Variants in RANBP17 observed in about 807,000 individuals in gnomAD.
RANBP17 encodes ran-binding protein 17.
In RANBP17, 158 loss-of-function variants were observed where a neutral mutation model predicts 141.2. That is an observed-to-expected ratio of 1.12 (90% confidence interval 0.98 to 1.28). The LOEUF (loss-of-function observed/expected upper bound fraction) is 1.28, where lower values mean the gene tolerates loss of function less well. RANBP17 is among the 50% of genes most tolerant of loss of function. The pLI is 0.00. For synonymous variants in RANBP17, 430 were observed against 450.0 expected, an observed-to-expected ratio of 0.96 and a Z score of 0.56; for missense variants, 1,438 against 1,290.7, an observed-to-expected ratio of 1.11 and a Z score of -1.75.
At chr5:171,064,466 A>T (rs1784163564) in intron 14 of RANBP17, among the ~76,000 whole-genome samples, 4 of 151,890 alleles carry the variant, frequency 2.6e-5, no homozygotes, top group Admixed American at 2.6e-4. Flanking sequence ...ATCTCCTTTG[A>T]GTTGTTTATT....
intron 16 of RANBP17, among the ~76,000 whole-genome samples, chr5:171,179,462 A>G (rs1444903351): frequency 2.0e-5 from 3 of 152,154 alleles, no homozygotes; most frequent in Admixed American, 6.6e-5. Flanking sequence ...TACTTTGTGC[A>G]TATAACCTAA....
chr5:170,960,629 C>T (rs1021090027), intron 13 of RANBP17, among the ~76,000 whole-genome samples: 19 of 152,206 alleles, frequency 1.2e-4, no homozygotes, highest in African/African-American at 3.9e-4. Context: ...CTACTATCAT[C>T]TTTCACCTGG....
intron 4 of RANBP17, among the ~76,000 whole-genome samples, chr5:170,893,725 G>A (rs549002836): frequency 3.0e-4 from 46 of 151,962 alleles, no homozygotes; most frequent in Admixed American, 2.6e-3. Context: ...CCCGGTAGAC[G>A]GAGCTTGCAG....
In RANBP17 at chr5:171,241,074, A is replaced by G. The variant is rs762183330; in HGVS notation, c.2569A>G (p.Asn857Asp). The G allele has an allele frequency of 2.0e-5, 32 of 1,613,806 alleles. No individual in the cohort carries two copies. Among genetic ancestry groups the G allele is most frequent in the South Asian group, 2.0e-4 (18 of 91,064 alleles). The change falls in exon 23 of 28, where the codon AAC becomes GAC. Residue 857 changes from asparagine (N) to aspartate (D), a missense_variant. Transcript: ENST00000523189. Reference protein sequence around the residue: ...SFGVFKLYGDNHFDNVLQAFV... With the variant: ...SFGVFKLYGDDHFDNVLQAFV... Reference sequence around the variant, plus strand: ...TGGCGTCTTCAAGTTGTATGGGGACAACCATTTTGACAATGTACTCCAGGC... The same window carrying G: ...TGGCGTCTTCAAGTTGTATGGGGACGACCATTTTGACAATGTACTCCAGGC...
intron 14 of RANBP17, among the ~76,000 whole-genome samples, chr5:171,052,855 T>C (rs1783043790): frequency 6.6e-6 from 1 of 152,138 alleles, no homozygotes; most frequent in African/African-American, 2.4e-5. Context: ...GAACATGAAA[T>C]GTCTTTCTTT....
chr5:171,280,751 A>G (rs183331695), intron 25 of RANBP17, among the ~76,000 whole-genome samples: 22 of 152,296 alleles, frequency 1.4e-4, no homozygotes, highest in Admixed American at 1.2e-3. Flanking sequence ...ATGCTTTGCA[A>G]CCTAGAAGAG....
chr5:171,157,839 G>T (rs1465732519), intron 14 of RANBP17, among the ~76,000 whole-genome samples: 3 of 152,184 alleles, frequency 2.0e-5, no homozygotes, highest in Non-Finnish European at 2.9e-5. Flanking sequence ...TTATCCTAAG[G>T]ATACAAAATG....
At chr5:171,273,697 T>A (rs148348199) in intron 25 of RANBP17, among the ~76,000 whole-genome samples, 1 of 152,324 alleles carries the variant, frequency 6.6e-6, no homozygotes, top group African/African-American at 2.4e-5. Flanking sequence ...ACTTCTGTAG[T>A]ATACAATCTT....
At chr5:171,135,907 G>A (rs762160422) in intron 14 of RANBP17, among the ~76,000 whole-genome samples, 2 of 152,094 alleles carry the variant, frequency 1.3e-5, no homozygotes, top group Admixed American at 6.6e-5. Flanking sequence ...CTCCAGTGCC[G>A]CCTGCAATCA....
In RANBP17 at chr5:171,193,539, G is replaced by A. The variant is rs148820843; in HGVS notation, c.2039-6131G>A. Among the ~76,000 whole-genome samples, 726 of 152,292 alleles carry A rather than the reference G, an allele frequency of 4.8e-3. 7 individuals are homozygous for A. Among genetic ancestry groups the A allele is most frequent in the African/African-American group, 0.017 (698 of 41,558 alleles). ...ATTACCACAAGGTAGTAGCTTAAAC[G>A]ATACTAATGTATTATTTTATAATCC... On this transcript the variant is annotated intron_variant, in intron 18 of 27. Coordinates refer to ENST00000523189, the MANE Select transcript of RANBP17 (RefSeq NM_022897.5).
At chr5:171,184,910 C>G (rs1452205486) in intron 18 of RANBP17, among the ~76,000 whole-genome samples, 1 of 152,116 alleles carries the variant, frequency 6.6e-6, no homozygotes, top group African/African-American at 2.4e-5. Flanking sequence ...CACCTGTAAT[C>G]CCAGCACTTT....
chr5:170,931,235 T>G (rs1446506759), intron 12 of RANBP17, among the ~76,000 whole-genome samples: 1 of 152,246 alleles, frequency 6.6e-6, no homozygotes, highest in Admixed American at 6.5e-5. Flanking sequence ...GTTCATATCC[T>G]TTGCCCACTT....
intron 14 of RANBP17, among the ~76,000 whole-genome samples, chr5:171,150,831 C>T (rs1323508766): frequency 6.6e-6 from 1 of 152,170 alleles, no homozygotes; most frequent in East Asian, 1.9e-4. Context: ...GAAGTGAACA[C>T]ACTTCATTTG....
chr5:171,242,050 C>G (rs962155353), intron 23 of RANBP17, among the ~76,000 whole-genome samples: 87 of 151,594 alleles, frequency 5.7e-4, no homozygotes, highest in African/African-American at 2.0e-3. Context: ...TCTTAGACTC[C>G]TGGGCTTAAG....
At chr5:171,284,497 G>A (rs1357224493) in intron 25 of RANBP17, 8 of 151,778 alleles carry the variant, frequency 5.3e-5, no homozygotes, top group African/African-American at 1.9e-4. Context: ...GCTAATTTTT[G>A]TATTTTTTTG....
chr5:171,256,478 T>C (rs1447212437), intron 24 of RANBP17, among the ~76,000 whole-genome samples: 3 of 152,050 alleles, frequency 2.0e-5, no homozygotes, highest in African/African-American at 7.2e-5. Context: ...GATTACAAAT[T>C]AACAATCTGA....
At chr5:171,076,354 G>A (rs944762756) in intron 14 of RANBP17, among the ~76,000 whole-genome samples, 1 of 152,196 alleles carries the variant, frequency 6.6e-6, no homozygotes, top group Admixed American at 6.5e-5. Context: ...TCAATATCCT[G>A]AAGCGCTAAA....
chr5:171,231,912 AAAAC>A (rs1262079655), intron 22 of RANBP17, among the ~76,000 whole-genome samples: 3 of 152,208 alleles, frequency 2.0e-5, no homozygotes, highest in Non-Finnish European at 2.9e-5. Context: ...GAAAAATGGG[AAAAC>A]AAACAAAATG....
chr5:171,088,480 T>C (rs1466546181), intron 14 of RANBP17, among the ~76,000 whole-genome samples: 1 of 152,166 alleles, frequency 6.6e-6, no homozygotes, highest in African/African-American at 2.4e-5. Context: ...TGTGGCATTC[T>C]CTGTATTTCC....
Sources: gnomAD v4.1 joint callset for allele counts (sites outside exome capture counted in the v4.1 genomes callset) on GRCh38, gnomAD v4.1.1 for gene constraint, MANE v1.5 for transcripts, NCBI Gene and HGNC (gene_info 2026-07-23, HGNC 2026-07-21) for gene names.